The following ADRA1A variants were observed in gnomAD, a reference collection of about 807,000 sequenced individuals.
ADRA1A encodes alpha-1A adrenergic receptor.
Under a neutral mutation model 29.6 loss-of-function variants are expected in ADRA1A, and 31 were observed. The ratio of observed to expected loss-of-function variants is 1.05; its 90% CI spans 0.79 to 1.41. ADRA1A has a LOEUF of 1.41. ADRA1A is among the 40% of genes most tolerant of loss of function. The pLI is 0.00. For synonymous variants in ADRA1A, 311 were observed against 254.3 expected, an observed-to-expected ratio of 1.22 and a Z score of -2.12; for missense variants, 619 against 601.1, an observed-to-expected ratio of 1.03 and a Z score of -0.31.
chr8:26,757,859 G>GCACACACACA (rs1554489125), intron 2 of ADRA1A, among the ~76,000 whole-genome samples: 2 of 151,292 alleles, frequency 1.3e-5, no homozygotes, highest in African/African-American at 2.4e-5. Flanking sequence ...ATAAGCACAC[G>GCACACACACA]CACACACACA....
rs553265769 is a variant in ADRA1A, at chr8:26,775,511, G to A, written c.884-4845C>T. ...CCAAATCACCCACATGAGAATAGGG[G>A]CTCCTACTTCTTTGGTCACCGTAGC... On this transcript the variant is annotated intron_variant, in intron 2 of 2. Transcript: ENST00000380573. This position sits in a 1 kb window ranked among gnomAD's most constrained non-coding sequence, Gnocchi z 4.1. Among the ~76,000 whole-genome samples the A allele has an allele frequency of 2.6e-5, 4 of 152,184 alleles. No homozygotes were observed. The highest frequency in any genetic ancestry group is 2.1e-4 in the South Asian group (1 of 4,814).
In ADRA1A at chr8:26,864,866, C is replaced by A; in HGVS notation, c.104G>T (p.Gly35Val). ...KAILLGVILG[G>V]LILFGVLGNI... is the part of the protein sequence containing the mutation. ...ACCCAGCACCCCGAAAAGAATGAGG[C>A]CCCCCAAGATCACCCCGAGCAGAAT... The change falls in exon 2 of 3, where the codon GGC becomes GTC. Residue 35 changes from glycine (G) to valine (V), a missense_variant. Transcript: ENST00000380573. The surrounding 1 kb of genome is among the most constrained non-coding windows in gnomAD (Gnocchi z 8.1). 3 of 1,614,026 alleles carry A rather than the reference C, an allele frequency of 1.9e-6. No individual in the cohort carries two copies. Among genetic ancestry groups the A allele is most frequent in the Non-Finnish European group, 2.5e-6 (3 of 1,180,002 alleles).
chr8:26,830,341 A>T (rs902932791), intron 2 of ADRA1A, among the ~76,000 whole-genome samples: 4 of 152,228 alleles, frequency 2.6e-5, no homozygotes, highest in Non-Finnish European at 5.9e-5. Flanking sequence ...TGGCTGTGGT[A>T]TTATGATGCT....
In ADRA1A at chr8:26,867,240, G is replaced by T; in HGVS notation, c.-991C>A. On this transcript the variant is annotated 5_prime_UTR_variant, in exon 1 of 3. Transcript: ENST00000380573. Reference sequence around the variant, plus strand: ...TATTCAGCTCCCCGACACCAGAAAAGAATAGCAAGGAACTTTGCAGCTCTC... The same window carrying T: ...TATTCAGCTCCCCGACACCAGAAAATAATAGCAAGGAACTTTGCAGCTCTC... The T allele has an allele frequency of 1.0e-6, 1 of 985,454 alleles. No homozygotes were observed. The highest frequency in any genetic ancestry group is 1.2e-6 in the Non-Finnish European group (1 of 829,972). The allele number at this position is 985,454 out of a possible 1,614,324, so 61.0% of individuals were successfully genotyped here.
At chr8:26,838,257 A>G (rs1472243511) in intron 2 of ADRA1A, among the ~76,000 whole-genome samples, 1 of 152,238 alleles carries the variant, frequency 6.6e-6, no homozygotes, top group Admixed American at 6.5e-5. Flanking sequence ...TATTTAACAA[A>G]GCAAGGCACA....
rs1365302325 is a variant in ADRA1A, at chr8:26,815,064, A to ATT, written c.884-44400_884-44399dup. On this transcript the variant is annotated intron_variant, in intron 2 of 2. Transcript: ENST00000380573. This position sits in a 1 kb window ranked among gnomAD's most constrained non-coding sequence, Gnocchi z 4.2. ...CTTATGTATTTAACTCACTGTAGTA[A>ATT]TTTAGAAAAACATGTTTTATTTCTT... Among the ~76,000 whole-genome samples, 18 of 152,316 alleles carry ATT rather than the reference A, an allele frequency of 1.2e-4. No individual in the cohort carries two copies. Among genetic ancestry groups the ATT allele is most frequent in the African/African-American group, 4.1e-4 (17 of 41,576 alleles).
intron 2 of ADRA1A, among the ~76,000 whole-genome samples, chr8:26,792,885 C>T (rs1490229978): frequency 6.7e-6 from 1 of 149,872 alleles, no homozygotes; most frequent in East Asian, 2.0e-4. Flanking sequence ...ATGTGAATTA[C>T]AAAAATAAAT....
downstream of ADRA1A, among the ~76,000 whole-genome samples, chr8:26,761,622 C>A (rs548289671): frequency 6.6e-6 from 1 of 152,322 alleles, no homozygotes; most frequent in Admixed American, 6.5e-5. Flanking sequence ...AACAACCAGC[C>A]AACGCCTTAA....
rs1808892285 is a variant in ADRA1A, at chr8:26,805,277, T to C, written c.884-34611A>G. On this transcript the variant is annotated intron_variant, in intron 2 of 2. Transcript: ENST00000380573. This position sits in a 1 kb window ranked among gnomAD's most constrained non-coding sequence, Gnocchi z 4.8. ...ACACCTATTGCCTCAGTATGGTTAT[T>C]AATTGTGCTTTCTTACATTTTGAGT... Among the ~76,000 whole-genome samples, 1 of 152,232 alleles carries C rather than the reference T, an allele frequency of 6.6e-6. No homozygotes were observed. Among genetic ancestry groups the C allele is most frequent in the Admixed American group, 6.5e-5 (1 of 15,288 alleles).
intron 2 of ADRA1A, among the ~76,000 whole-genome samples, chr8:26,802,163 G>GC (rs1808630981): frequency 6.6e-6 from 1 of 152,050 alleles, no homozygotes; most frequent in South Asian, 2.1e-4. Context: ...CGTTGGGCTG[G>GC]CATACATTTA....
downstream of ADRA1A, among the ~76,000 whole-genome samples, chr8:26,753,028 T>A (rs59690372): frequency 7.0e-3 from 1,071 of 152,288 alleles, 14 homozygotes; most frequent in African/African-American, 0.024. Context: ...CTATAACAGC[T>A]GCCAGACAAT....
chr8:26,839,536 C>G (rs1295206705), intron 2 of ADRA1A, among the ~76,000 whole-genome samples: 1 of 152,074 alleles, frequency 6.6e-6, no homozygotes, highest in African/African-American at 2.4e-5. Flanking sequence ...TGATTTTGGT[C>G]CTTTATTGGG....
intron 2 of ADRA1A, among the ~76,000 whole-genome samples, chr8:26,849,418 C>A (rs12550073): frequency 3.3e-5 from 5 of 152,172 alleles, no homozygotes; most frequent in African/African-American, 9.7e-5. Context: ...GGTGCCCAGG[C>A]GGTCAGTCAT....
downstream of ADRA1A, among the ~76,000 whole-genome samples, chr8:26,754,555 C>T (rs148755106): frequency 2.5e-3 from 374 of 152,170 alleles, no homozygotes; most frequent in African/African-American, 7.9e-3. Context: ...CCAGTCAGCC[C>T]ACATTTGCTT....
At chr8:26,837,313 G>A (rs1162867523) in intron 2 of ADRA1A, among the ~76,000 whole-genome samples, 1 of 152,148 alleles carries the variant, frequency 6.6e-6, no homozygotes, top group East Asian at 1.9e-4. Flanking sequence ...CAGATAGGAA[G>A]AGAAGTAGTC....
intron 2 of ADRA1A, among the ~76,000 whole-genome samples, chr8:26,822,730 G>T (rs368897121): frequency 6.6e-6 from 1 of 152,188 alleles, no homozygotes; most frequent in Non-Finnish European, 1.5e-5. Context: ...ATAAAGAAAA[G>T]AAGTTTAACT....
intron 2 of ADRA1A, among the ~76,000 whole-genome samples, chr8:26,850,471 G>C (rs1159898579): frequency 6.6e-6 from 1 of 152,096 alleles, no homozygotes; most frequent in African/African-American, 2.4e-5. Context: ...TGGAAGGGCT[G>C]AGAAAATGTG....
downstream of ADRA1A, among the ~76,000 whole-genome samples, chr8:26,767,198 T>C (rs940534652): frequency 2.6e-5 from 4 of 152,220 alleles, no homozygotes; most frequent in African/African-American, 9.6e-5. Flanking sequence ...ATTTTTGTGA[T>C]GTTTAGACAA....
chr8:26,773,701 C>T (rs1469419050), intron 2 of ADRA1A, among the ~76,000 whole-genome samples: 1 of 152,212 alleles, frequency 6.6e-6, no homozygotes, highest in Non-Finnish European at 1.5e-5. Context: ...ATAATTCCTT[C>T]AATTACACTC....
Sources: gnomAD v4.1 joint callset for allele counts (sites outside exome capture counted in the v4.1 genomes callset) on GRCh38, gnomAD v4.1.1 for gene constraint, Gnocchi (gnomAD v3.1) non-coding constraint, MANE v1.5 for transcripts, NCBI Gene and HGNC (gene_info 2026-07-23, HGNC 2026-07-21) for gene names.